DMTF1: variants seen among roughly 807,000 people sequenced by gnomAD.
The protein encoded by DMTF1 is cyclin-D-binding Myb-like transcription factor 1.
Under a neutral mutation model 91.1 loss-of-function variants are expected in DMTF1, and 39 were observed. The ratio of observed to expected loss-of-function variants is 0.43; its 90% CI spans 0.33 to 0.56. The LOEUF (loss-of-function observed/expected upper bound fraction) is 0.56. DMTF1 is among the 20% of genes least tolerant of loss of function. The pLI, the probability that DMTF1 is intolerant of heterozygous loss-of-function variation, is 0.05. For missense variants in DMTF1, 750 were observed against 914.5 expected (o/e 0.82, Z 2.32); for synonymous variants, 338 against 309.5 (o/e 1.09, Z -0.97).
At position 87,193,935 on chromosome 7, in the gene DMTF1, A is replaced by G. The variant is rs1301548406; in HGVS notation, c.1861A>G (p.Met621Val). 6.2e-7 allele frequency: 1 copy of G among 1,613,380 alleles called. No individual in the cohort carries two copies. The highest frequency in any genetic ancestry group is 8.5e-7 in the Non-Finnish European group (1 of 1,179,612). Reference protein sequence around the residue: ...TFPDEIHHPKMTVEPSFNDAH... With the variant: ...TFPDEIHHPKVTVEPSFNDAH... ...CCCAGATGAAATTCATCACCCTAAG[A>G]TGACTGTGGAGCCATCATTTAATGA... The change falls in exon 16 of 18, where the codon ATG becomes GTG. Residue 621 changes from methionine to valine, a missense_variant. Physicochemically the swap from Met to Val is conservative, Grantham distance 21. Around this residue, in one of 3 missense-constraint regions of DMTF1, gnomAD observed 410 missense variants for 420.2 expected, o/e 0.98. Transcript: ENST00000331242.
At chr7:87,169,094 T>C (rs1417768860) in intron 4 of DMTF1, among the ~76,000 whole-genome samples, 2 of 152,204 alleles carry the variant, frequency 1.3e-5, no homozygotes, top group African/African-American at 4.8e-5. Flanking sequence ...TTGTTTCTTC[T>C]GTATCACCAG....
At chr7:87,174,088 CTG>C (rs1194562959) in intron 6 of DMTF1, among the ~76,000 whole-genome samples, 4 of 152,132 alleles carry the variant, frequency 2.6e-5, no homozygotes, top group African/African-American at 9.7e-5. Flanking sequence ...AGGGTTGTGT[CTG>C]TGCCACTCTG....
At chr7:87,183,847 C>T (rs1443868086) in intron 10 of DMTF1, among the ~76,000 whole-genome samples, 5 of 152,124 alleles carry the variant, frequency 3.3e-5, no homozygotes, top group African/African-American at 1.2e-4. Flanking sequence ...TCAGACTTTA[C>T]TAATATTTCA....
chr7:87,183,710 A>T (rs956953473), intron 10 of DMTF1, among the ~76,000 whole-genome samples: 2 of 152,234 alleles, frequency 1.3e-5, no homozygotes, highest in African/African-American at 4.8e-5. Context: ...ATGAAAAAAA[A>T]TGGCTTTTTT....
rs762899797 is a variant in DMTF1 at position 87,188,177 on chromosome 7, A to G, written c.1287A>G (p.Pro429=). Residue 429 remains proline, a synonymous_variant, in exon 13 of 18, where the codon CCA becomes CCG. Coordinates refer to ENST00000331242, the MANE Select transcript of DMTF1 (RefSeq NM_001142327.2). ...LLENKSGSGV[P]NSNTNSSVQH... is the part of the protein sequence containing the mutation. ...AGAATAAATCAGGATCTGGAGTTCC[A>G]AACAGTAATACCAATTCCAGTGTGC... is the stretch of plus-strand genomic sequence containing the variant. 1.4e-5 allele frequency: 22 copies of G among 1,614,010 alleles called. No individual in the cohort carries two copies. The highest frequency in any genetic ancestry group is 1.9e-5 in the Non-Finnish European group (22 of 1,179,922).
intron 1 of DMTF1, among the ~76,000 whole-genome samples, chr7:87,159,700 T>C (rs1382210326): frequency 1.3e-5 from 2 of 152,202 alleles, no homozygotes; most frequent in African/African-American, 4.8e-5. Flanking sequence ...TGATGTGCAG[T>C]CATGTGTTGC....
At position 87,188,318 on chromosome 7, in the gene DMTF1, C is replaced by T. The variant is rs1274355511; in HGVS notation, c.1411+17C>T. The T allele has an allele frequency of 1.2e-6, 2 of 1,612,406 alleles. No homozygotes were observed. Among genetic ancestry groups the T allele is most frequent in the Non-Finnish European group, 1.7e-6 (2 of 1,178,662 alleles). ...CCCATGTTTGTAAGTGTTTGATCTT[C>T]AAGATTCCTTGCTGTTTGATCTATA... On this transcript the variant is annotated intron_variant, in intron 13 of 17. Transcript: ENST00000331242.
rs1799638000 is a variant in DMTF1 at position 87,191,028 on chromosome 7, G to A, written c.1494+1G>A. 3 of 1,581,988 alleles carry A rather than the reference G, an allele frequency of 1.9e-6. No homozygotes were observed. The highest frequency in any genetic ancestry group is 2.6e-6 in the Non-Finnish European group (3 of 1,156,152). On this transcript the variant is annotated splice_donor_variant, in intron 14 of 17. Transcript: ENST00000331242. LOFTEE classifies it high-confidence loss of function. ...ACTACAGACATTTGAGATTCTTCCC[G>A]TGAGTAACGCTTCATATATATTGGC... is the stretch of plus-strand genomic sequence containing the variant.
rs764171250 is a variant in DMTF1 at position 87,185,811 on chromosome 7, C to G, written c.1050-18C>G. 2.0e-5 allele frequency: 32 copies of G among 1,613,262 alleles called. No homozygotes were observed. The highest frequency in any genetic ancestry group is 3.3e-4 in the Middle Eastern group (2 of 6,052). Reference sequence around the variant, plus strand: ...GAAATTAATTTAATGTCTAACGATGCTTATTTTGTAACTGTAGGATAGCAG... The same window carrying G: ...GAAATTAATTTAATGTCTAACGATGGTTATTTTGTAACTGTAGGATAGCAG... On this transcript the variant is annotated intron_variant, in intron 11 of 17. Coordinates refer to ENST00000331242, the MANE Select transcript of DMTF1 (RefSeq NM_001142327.2).
intron 5 of DMTF1, among the ~76,000 whole-genome samples, chr7:87,172,313 A>G (rs1318621494): frequency 1.3e-5 from 2 of 152,248 alleles, no homozygotes; most frequent in African/African-American, 4.8e-5. Context: ...ATAGAGGGCT[A>G]TAAAACTTAT....
intron 12 of DMTF1, 139 bp from the exon 13 acceptor site, chr7:87,187,953 T>A: frequency 1.6e-6 from 1 of 617,404 alleles, no homozygotes; most frequent in South Asian, 2.1e-5. Flanking sequence ...AAATATCTTA[T>A]TTTTATAAGC....
chr7:87,194,341 C>T (rs1800663907), intron 16 of DMTF1: 6 of 517,528 alleles, frequency 1.2e-5, no homozygotes, highest in South Asian at 9.3e-5. Context: ...TCTTTACCTA[C>T]AATACATTGA....
chr7:87,183,136 T>C (rs915318940), intron 10 of DMTF1, among the ~76,000 whole-genome samples: 4 of 152,216 alleles, frequency 2.6e-5, no homozygotes, highest in African/African-American at 9.6e-5. Flanking sequence ...GCATATACAT[T>C]TTGACCTTAA....
At chr7:87,161,455 T>G (rs113841955) in intron 1 of DMTF1, among the ~76,000 whole-genome samples, 4,708 of 152,254 alleles carry the variant, frequency 0.031, 85 homozygotes, top group Middle Eastern at 0.071. Flanking sequence ...TGAGCCAAGA[T>G]CGTGCCACTG....
rs773637237 is a variant in DMTF1 at position 87,188,180 on chromosome 7, C to G, written c.1290C>G (p.Asn430Lys). Reference sequence around the variant, plus strand: ...ATAAATCAGGATCTGGAGTTCCAAACAGTAATACCAATTCCAGTGTGCAGC... The same window carrying G: ...ATAAATCAGGATCTGGAGTTCCAAAGAGTAATACCAATTCCAGTGTGCAGC... ...LENKSGSGVP[N>K]SNTNSSVQHV... is the part of the protein sequence containing the mutation. Residue 430 changes from asparagine (N) to lysine (K), a missense_variant, in exon 13 of 18, where the codon AAC (asparagine) becomes AAG (lysine). Coordinates refer to ENST00000331242, the MANE Select transcript of DMTF1 (RefSeq NM_001142327.2). The G allele has an allele frequency of 6.2e-6, 10 of 1,613,852 alleles. No individual in the cohort carries two copies. The highest frequency in any genetic ancestry group is 1.3e-5 in the African/African-American group (1 of 74,902).
chr7:87,162,247 A>T (rs577059815), intron 1 of DMTF1, among the ~76,000 whole-genome samples: 24 of 151,552 alleles, frequency 1.6e-4, no homozygotes, highest in Non-Finnish European at 3.1e-4. Context: ...CTAATTTTTT[A>T]TTTTTTTTCT....
At chr7:87,169,243 G>T (rs942226941) in intron 4 of DMTF1, among the ~76,000 whole-genome samples, 47 of 152,134 alleles carry the variant, frequency 3.1e-4, no homozygotes, top group Non-Finnish European at 8.8e-5. Flanking sequence ...CAGTTTGCTT[G>T]AGCCCAGGGG....
chr7:87,174,621 C>G lies in DMTF1; in HGVS notation c.471C>G (p.Ser157=). The G allele has an allele frequency of 1.2e-6, 2 of 1,609,526 alleles. No homozygotes were observed. Among genetic ancestry groups the G allele is most frequent in the Non-Finnish European group, 1.7e-6 (2 of 1,177,128 alleles). The change falls in exon 7 of 18, where the codon TCC becomes TCG. Residue 157 remains serine (S), a synonymous_variant. Transcript: ENST00000331242. ...ATAAATGGAAGCAGGGGATGTGGTC[C>G]AAGGAAGAAATTGATATTTTGATGA... The part of the protein sequence containing the change: ...KGHKWKQGMW[S]KEEIDILMNN...
intron 13 of DMTF1, among the ~76,000 whole-genome samples, chr7:87,190,249 T>C (rs1037297540): frequency 1.3e-5 from 2 of 152,066 alleles, no homozygotes; most frequent in Non-Finnish European, 2.9e-5. Context: ...TTAACATTTA[T>C]TTGTGTTTAC....
Sources: allele counts gnomAD v4.1 joint callset (sites outside exome capture counted in the v4.1 genomes callset), GRCh38; gene constraint gnomAD v4.1.1; regional missense constraint gnomAD v4.1.1; transcripts MANE v1.5; gene names NCBI Gene and HGNC (gene_info 2026-07-23, HGNC 2026-07-21).